Variants in NUFIP1 observed in about 807,000 individuals in gnomAD.
The protein encoded by NUFIP1 is nuclear FMR1 interacting protein 1.
A neutral mutation model predicts 56.2 loss-of-function variants in NUFIP1; 38 were observed. That is an observed-to-expected ratio of 0.68 (90% CI 0.52 to 0.89). The LOEUF is 0.89. Among genes scored for constraint, NUFIP1 ranks in the 40% least tolerant of loss-of-function variants. The pLI is 0.00. For synonymous variants in NUFIP1, 215 were observed against 212.4 expected, an observed-to-expected ratio of 1.01 and a Z score of -0.10; for missense variants, 567 against 605.8, an observed-to-expected ratio of 0.94 and a Z score of 0.67.
chr13:44,958,902 A>G (rs1307332405), intron 7 of NUFIP1, among the ~76,000 whole-genome samples: 1 of 152,240 alleles, frequency 6.6e-6, no homozygotes, highest in Non-Finnish European at 1.5e-5. Flanking sequence ...AAGGACAAAC[A>G]TATATAAATA....
Position 44,949,752 on chromosome 13 carries a change from T to A in NUFIP1, c.1108A>T (p.Ser370Cys). Residue 370 changes from serine to cysteine, a missense_variant, in exon 8 of 10, where the codon AGT (serine) becomes TGT (cysteine). Ser to Cys is a moderately radical substitution (Grantham distance 112). Coordinates refer to ENST00000379161, the MANE Select transcript of NUFIP1 (RefSeq NM_012345.3). ...GGCTCACTCTCTGACCCTGAAAGAC[T>A]GCCATAGCTACTCATTAGTGAGCAT... is the stretch of plus-strand genomic sequence containing the variant. ...ALCSLMSSYG[S>C]LSGSESEPEE... 1 of 1,612,286 alleles carries A rather than the reference T, an allele frequency of 6.2e-7. No individual in the cohort carries two copies. The highest frequency in any genetic ancestry group is 8.5e-7 in the Non-Finnish European group (1 of 1,179,344).
At chr13:44,983,653 C>T (rs894077430) in intron 1 of NUFIP1, among the ~76,000 whole-genome samples, 1 of 152,074 alleles carries the variant, frequency 6.6e-6, no homozygotes, top group East Asian at 1.9e-4. Flanking sequence ...AAAAATTAGC[C>T]AAGCTTGGTG....
chr13:44,961,201 G>T (rs1157626899), intron 6 of NUFIP1, among the ~76,000 whole-genome samples: 3 of 152,168 alleles, frequency 2.0e-5, no homozygotes, highest in African/African-American at 7.2e-5. Flanking sequence ...GTGGGACTGA[G>T]TTTTTGCAAA....
intron 6 of NUFIP1, among the ~76,000 whole-genome samples, chr13:44,962,112 G>A (rs1871445672): frequency 6.6e-6 from 1 of 151,920 alleles, no homozygotes; most frequent in South Asian, 2.1e-4. Flanking sequence ...TCCAAAAGAA[G>A]GCAAGAAAGG....
intron 7 of NUFIP1, among the ~76,000 whole-genome samples, chr13:44,958,916 T>C (rs373117910): frequency 6.6e-6 from 1 of 152,210 alleles, no homozygotes; most frequent in African/African-American, 2.4e-5. Flanking sequence ...ATAAATATAA[T>C]CTATGCTCTG....
At chr13:44,974,605 G>A (rs540673784) in intron 5 of NUFIP1, among the ~76,000 whole-genome samples, 2 of 152,260 alleles carry the variant, frequency 1.3e-5, no homozygotes, top group Non-Finnish European at 2.9e-5. Flanking sequence ...AAGCTGCAGC[G>A]CAGTGGCGTA....
chr13:44,986,429 C>A (rs1283665077), intron 1 of NUFIP1, among the ~76,000 whole-genome samples: 1 of 152,106 alleles, frequency 6.6e-6, no homozygotes, highest in African/African-American at 2.4e-5. Context: ...CAGTGGCTCA[C>A]GCCTATAATC....
intron 9 of NUFIP1, among the ~76,000 whole-genome samples, chr13:44,942,951 G>C (rs1870792709): frequency 7.2e-6 from 1 of 139,580 alleles, no homozygotes; most frequent in Non-Finnish European, 1.5e-5. Context: ...GGGTGACAAA[G>C]CAAGACCTCA....
chr13:44,987,822 G>A (rs1223176724), intron 1 of NUFIP1, among the ~76,000 whole-genome samples: 2 of 152,178 alleles, frequency 1.3e-5, no homozygotes, highest in Non-Finnish European at 2.9e-5. Flanking sequence ...ACGTAAATCA[G>A]GTCATGTCAA....
intron 5 of NUFIP1, among the ~76,000 whole-genome samples, chr13:44,977,146 C>T (rs910420860): frequency 6.6e-6 from 1 of 152,210 alleles, no homozygotes; most frequent in African/African-American, 2.4e-5. Flanking sequence ...TTAAGTATTC[C>T]CACACTACAC....
chr13:44,982,651 C>T (rs573234659), intron 1 of NUFIP1, among the ~76,000 whole-genome samples: 1 of 151,966 alleles, frequency 6.6e-6, no homozygotes, highest in East Asian at 1.9e-4. Flanking sequence ...TTCCAACAAA[C>T]CTTACATACT....
At chr13:44,950,963 A>C (rs949153296) in intron 7 of NUFIP1, among the ~76,000 whole-genome samples, 4 of 152,212 alleles carry the variant, frequency 2.6e-5, no homozygotes, top group African/African-American at 7.2e-5. Context: ...ATGTTCACCA[A>C]GTCAGTCTAG....
At chr13:44,983,497 A>C (rs941930788) in intron 1 of NUFIP1, among the ~76,000 whole-genome samples, 1 of 152,104 alleles carries the variant, frequency 6.6e-6, no homozygotes, top group African/African-American at 2.4e-5. Context: ...AATAAAAAAA[A>C]AAAAAAAGTT....
intron 8 of NUFIP1, among the ~76,000 whole-genome samples, chr13:44,948,316 A>AT (rs1316506291): frequency 2.6e-5 from 4 of 151,650 alleles, no homozygotes; most frequent in Non-Finnish European, 4.4e-5. Context: ...TAACTTTTGT[A>AT]TTTTTTGTAG....
chr13:44,970,528 C>G (rs1434698112), intron 5 of NUFIP1, among the ~76,000 whole-genome samples: 1 of 152,178 alleles, frequency 6.6e-6, no homozygotes, highest in African/African-American at 2.4e-5. Flanking sequence ...GAATGTAGCT[C>G]TCACACAAAG....
intron 5 of NUFIP1, 46 bp downstream of exon 5, chr13:44,979,144 T>A: frequency 1.4e-6 from 2 of 1,433,538 alleles, no homozygotes; most frequent in Non-Finnish European, 1.9e-6. Flanking sequence ...TTAATAAGCC[T>A]TGTCACAGTA....
intron 5 of NUFIP1, among the ~76,000 whole-genome samples, chr13:44,968,815 C>T (rs1871705186): frequency 6.6e-6 from 1 of 152,148 alleles, no homozygotes; most frequent in Admixed American, 6.5e-5. Context: ...AGAGCAGATG[C>T]TAGGTAACTG....
intron 7 of NUFIP1, among the ~76,000 whole-genome samples, chr13:44,951,568 A>G (rs1871084628): frequency 6.6e-6 from 1 of 152,202 alleles, no homozygotes; most frequent in Non-Finnish European, 1.5e-5. Flanking sequence ...TAATGCTAAT[A>G]ATGTCTCCCA....
chr13:44,945,369 A>T (rs1045550271), intron 8 of NUFIP1, among the ~76,000 whole-genome samples: 2 of 152,024 alleles, frequency 1.3e-5, no homozygotes, highest in Admixed American at 6.5e-5. Context: ...ATAATTTAAA[A>T]CTTTCCCAAA....
Sources: allele counts gnomAD v4.1 joint callset (sites outside exome capture counted in the v4.1 genomes callset), GRCh38; gene constraint gnomAD v4.1.1; transcripts MANE v1.5; gene names NCBI Gene and HGNC (gene_info 2026-07-23, HGNC 2026-07-21).